PRELID2: variants seen among roughly 807,000 people sequenced by gnomAD.
The protein encoded by PRELID2 is PRELI domain-containing protein 2.
PRELID2 carries 25 observed loss-of-function variants against 28.4 expected under a neutral mutation model. That is an observed-to-expected ratio of 0.88 (90% CI 0.64 to 1.23). PRELID2 has a LOEUF of 1.23. Ranked by LOEUF, PRELID2 falls within the 50% of genes most tolerant of loss-of-function variation. PRELID2 has a pLI of 0.00. For missense variants in PRELID2, 201 were observed against 214.4 expected (o/e 0.94, Z 0.39); for synonymous variants, 76 against 71.6 (o/e 1.06, Z -0.31).
downstream of PRELID2, among the ~76,000 whole-genome samples, chr5:145,751,561 C>A (rs2149751739): frequency 6.6e-6 from 1 of 152,326 alleles, no homozygotes; most frequent in African/African-American, 2.4e-5. Flanking sequence ...GCCCCAAACA[C>A]AATTAAGTCT....
chr5:145,275,663 C>A, the PRELID2 span, among the ~76,000 whole-genome samples: 5 of 152,156 alleles, frequency 3.3e-5, no homozygotes, highest in Middle Eastern at 0.01. Context: ...AGAAGTGTAG[C>A]CTGTGCAGAG....
At chr5:145,442,384 G>C in the PRELID2 span, among the ~76,000 whole-genome samples, 1 of 152,010 alleles carries the variant, frequency 6.6e-6, no homozygotes, top group Non-Finnish European at 1.5e-5. Flanking sequence ...TGATCCAGGG[G>C]CTCAAAAGAT....
the PRELID2 span, among the ~76,000 whole-genome samples, chr5:145,417,437 T>C: frequency 6.6e-6 from 1 of 151,814 alleles, no homozygotes; most frequent in African/African-American, 2.4e-5. Context: ...CTGGCAGAGA[T>C]ACAAGAAAAA....
intron 1 of PRELID2, among the ~76,000 whole-genome samples, chr5:145,490,973 T>C (rs1249617936): frequency 6.6e-6 from 1 of 151,762 alleles, no homozygotes; most frequent in African/African-American, 2.4e-5. Flanking sequence ...CATGAGATTT[T>C]TCTGCTCCTA....
chr5:145,754,110 A>T (rs1411175254), downstream of PRELID2: 3 of 152,300 alleles, frequency 2.0e-5, no homozygotes, highest in East Asian at 5.8e-4. Context: ...AAGGTAAAAA[A>T]CATTTACACC....
chr5:145,237,140 G>A, the PRELID2 span, among the ~76,000 whole-genome samples: 1 of 152,076 alleles, frequency 6.6e-6, no homozygotes, highest in Non-Finnish European at 1.5e-5. Context: ...TGCTCCTTGA[G>A]CCTGTGTCCT....
the PRELID2 span, among the ~76,000 whole-genome samples, chr5:145,261,292 C>T: frequency 1.3e-5 from 2 of 152,178 alleles, no homozygotes; most frequent in Non-Finnish European, 2.9e-5. Context: ...GAGCCTGACC[C>T]TAGGGCAAGC....
At chr5:145,273,291 T>A in the PRELID2 span, among the ~76,000 whole-genome samples, 1 of 152,184 alleles carries the variant, frequency 6.6e-6, no homozygotes, top group Non-Finnish European at 1.5e-5. Flanking sequence ...TGTTCCTCTC[T>A]GGCTGGACTG....
intron 1 of PRELID2, among the ~76,000 whole-genome samples, chr5:145,514,667 C>T (rs1027035915): frequency 2.6e-5 from 4 of 152,134 alleles, no homozygotes; most frequent in African/African-American, 9.7e-5. Context: ...ATCTACAGAA[C>T]TCTCCACCCC....
At chr5:145,304,857 C>T in the PRELID2 span, among the ~76,000 whole-genome samples, 33 of 152,098 alleles carry the variant, frequency 2.2e-4, no homozygotes, top group African/African-American at 7.2e-4. Context: ...AATTTCAATG[C>T]ATTTAAGTTA....
intron 1 of PRELID2, among the ~76,000 whole-genome samples, chr5:145,668,743 A>T (rs1754646228): frequency 6.6e-6 from 1 of 152,116 alleles, no homozygotes; most frequent in Admixed American, 6.6e-5. Flanking sequence ...CAACTTTCTC[A>T]GGTCCACACA....
the PRELID2 span, among the ~76,000 whole-genome samples, chr5:145,466,469 T>G: frequency 6.6e-6 from 1 of 152,136 alleles, no homozygotes; most frequent in Non-Finnish European, 1.5e-5. Flanking sequence ...AATTAGAATA[T>G]ATATTACATG....
chr5:145,734,950 C>A (rs1050104864), intron 1 of PRELID2, among the ~76,000 whole-genome samples: 1 of 152,058 alleles, frequency 6.6e-6, no homozygotes, highest in African/African-American at 2.4e-5. Context: ...TTTCATTTCA[C>A]AGATAAAAAG....
At chr5:145,410,052 AG>A in the PRELID2 span, among the ~76,000 whole-genome samples, 1 of 152,208 alleles carries the variant, frequency 6.6e-6, no homozygotes, top group Admixed American at 6.5e-5. Flanking sequence ...CAAAAATGTA[AG>A]GTGGCAAAAA....
the PRELID2 span, among the ~76,000 whole-genome samples, chr5:145,238,860 T>G: frequency 6.6e-6 from 1 of 152,114 alleles, no homozygotes. Context: ...GTCACGTAAT[T>G]ATCTGAATCA....
chr5:145,826,876 T>C (rs1490351940), intron 1 of PRELID2, among the ~76,000 whole-genome samples: 1 of 152,158 alleles, frequency 6.6e-6, no homozygotes, highest in Non-Finnish European at 1.5e-5. Context: ...ACCCATAAGC[T>C]TTCAGAAAGC....
At chr5:145,236,969 C>T in the PRELID2 span, among the ~76,000 whole-genome samples, 1 of 152,106 alleles carries the variant, frequency 6.6e-6, no homozygotes, top group Non-Finnish European at 1.5e-5. Context: ...ATCCCCACTG[C>T]GTTGATGTTG....
the PRELID2 span, among the ~76,000 whole-genome samples, chr5:145,264,187 C>T: frequency 5.3e-5 from 8 of 151,894 alleles, no homozygotes; most frequent in Non-Finnish European, 1.2e-4. Flanking sequence ...CAGTAAAGGA[C>T]ATAACAAAAA....
At chr5:145,511,246 C>T (rs1280608635) in intron 1 of PRELID2, among the ~76,000 whole-genome samples, 1 of 152,172 alleles carries the variant, frequency 6.6e-6, no homozygotes, top group Non-Finnish European at 1.5e-5. Flanking sequence ...ACATGCATAG[C>T]TTTAATTGAG....
Sources: gnomAD v4.1 joint callset for allele counts (sites outside exome capture counted in the v4.1 genomes callset) on GRCh38, gnomAD v4.1.1 for gene constraint, MANE v1.5 for transcripts, NCBI Gene and HGNC (gene_info 2026-07-23, HGNC 2026-07-21) for gene names.